The following SUSD3 variants were observed in gnomAD, a reference collection of about 807,000 sequenced individuals.
SUSD3 encodes sushi domain containing 3.
SUSD3 carries 18 observed loss-of-function variants against 20.6 expected under a neutral mutation model. The ratio of observed to expected loss-of-function variants is 0.87; its 90% CI spans 0.60 to 1.30. SUSD3 has a LOEUF of 1.30. Ranked by LOEUF, SUSD3 falls within the 50% of genes most tolerant of loss-of-function variation. The probability of loss-of-function intolerance (pLI) is 0.00; values close to 1 mark genes in which losing one functional copy is unlikely to be tolerated. For missense variants in SUSD3, 306 were observed against 346.9 expected (o/e 0.88, Z 0.94); for synonymous variants, 137 against 141.5 (o/e 0.97, Z 0.23).
At chr9:93,080,866 TCTTTC>T (rs1826387895) in intron 4 of SUSD3, among the ~76,000 whole-genome samples, 1 of 152,264 alleles carries the variant, frequency 6.6e-6, no homozygotes, top group African/African-American at 2.4e-5. Context: ...GCTGTTTTTT[TCTTTC>T]CTTTCTTTTG....
In SUSD3 at chr9:93,084,557, G is replaced by C; in HGVS notation, c.578G>C (p.Ser193Thr). 1 of 1,596,972 alleles carries C rather than the reference G, an allele frequency of 6.3e-7. No individual in the cohort carries two copies. Among genetic ancestry groups the C allele is most frequent in the Non-Finnish European group, 8.5e-7 (1 of 1,171,658 alleles). ...SFTTDHGEST[S>T]KLASVTRSVD... ...CACAGAGACCATGGTGAGAGCACCA[G>C]CAAGCTGGCCAGTGTGACCCGCAGC... Residue 193 changes from serine (S) to threonine (T), a missense_variant, in exon 5 of 5, where the codon AGC becomes ACC. Ser to Thr is a moderately conservative substitution (Grantham distance 58). Transcript: ENST00000375472.
Position 93,063,036 on chromosome 9 carries a change from C to A in SUSD3, c.88+4206C>A, listed in dbSNP as rs188167134. Reference sequence around the variant, plus strand: ...GGCACTGCCATCATGCAGCCAGGGGCCTTGGGCAGGTTTGTGGGCCTCAGT... The same window carrying A: ...GGCACTGCCATCATGCAGCCAGGGGACTTGGGCAGGTTTGTGGGCCTCAGT... On this transcript the variant is annotated intron_variant, in intron 1 of 4. Transcript: ENST00000375472. 2.0e-5 allele frequency among the ~76,000 whole-genome samples: 3 copies of A among 152,310 alleles called. No individual in the cohort carries two copies. In the East Asian group the frequency reaches 5.8e-4, roughly 29 times the overall value.
At chr9:93,065,316 A>G (rs111438676) in intron 1 of SUSD3, among the ~76,000 whole-genome samples, 2,780 of 152,232 alleles carry the variant, frequency 0.018, 40 homozygotes, top group Non-Finnish European at 0.027. Flanking sequence ...GCATCTCATT[A>G]TTCTAATGAA....
intron 1 of SUSD3, among the ~76,000 whole-genome samples, chr9:93,059,074 G>A (rs1316120540): frequency 2.0e-5 from 3 of 152,190 alleles, no homozygotes; most frequent in Admixed American, 2.0e-4. Context: ...CCGTTCCCGA[G>A]TGGCCGCAGC....
intron 1 of SUSD3, among the ~76,000 whole-genome samples, chr9:93,061,383 C>CA (rs1190000136): frequency 6.6e-6 from 1 of 152,268 alleles, no homozygotes. Flanking sequence ...GGCCTCCTGC[C>CA]ACCCATTGGC....
intron 1 of SUSD3, among the ~76,000 whole-genome samples, chr9:93,070,178 C>T (rs182406867): frequency 6.6e-6 from 1 of 152,258 alleles, no homozygotes; most frequent in East Asian, 1.9e-4. Context: ...AGATACAAAT[C>T]TCCTATTACA....
intron 1 of SUSD3, among the ~76,000 whole-genome samples, chr9:93,059,340 C>T (rs768922037): frequency 6.6e-6 from 1 of 152,112 alleles, no homozygotes; most frequent in African/African-American, 2.4e-5. Context: ...AGTGGCTGTC[C>T]GAGGTCACCC....
At position 93,058,821 on chromosome 9, in the gene SUSD3, A is replaced by T. The variant is rs1055113430; in HGVS notation, c.79A>T (p.Asn27Tyr). ...CGGGGTCACCACGCCTGCCCCAGGG[A>T]ACCGCACAGGTGAGGGCTGGGGCCG... ...RAGVTTPAPG[N>Y]RTGTCAKLRL... Residue 27 changes from asparagine to tyrosine, a missense_variant, in exon 1 of 5, where the codon AAC becomes TAC. Asn to Tyr is a moderately radical substitution (Grantham distance 143, BLOSUM62 -2). Transcript: ENST00000375472. 4.5e-5 allele frequency: 57 copies of T among 1,259,940 alleles called. No individual in the cohort carries two copies. Among genetic ancestry groups the T allele is most frequent in the Admixed American group, 1.2e-4 (3 of 24,086 alleles). The allele number at this position is 1,259,940 out of a possible 1,614,324, so 78.0% of individuals were successfully genotyped here. A position where few individuals can be genotyped will look rare whatever the true frequency, so the allele number is the denominator to read the frequency against.
intron 4 of SUSD3, among the ~76,000 whole-genome samples, chr9:93,084,212 G>C (rs1218983587): frequency 3.3e-5 from 5 of 152,084 alleles, no homozygotes; most frequent in African/African-American, 1.2e-4. Context: ...AGACAGCTGG[G>C]TTCCTGGTGG....
intron 1 of SUSD3, 53 bp from the exon 2 acceptor site, chr9:93,075,731 T>TGGGGGGGGGGGGGGGGGGGGGGGGGGGGG: frequency 1.3e-5 from 5 of 398,892 alleles, no homozygotes; most frequent in Admixed American, 3.8e-5. Flanking sequence ...AGCCCTGCCC[T>TGGGGGGGGGGGGGGGGGGGGGGGGGGGGG]GCGTGCCCAC....
At chr9:93,083,969 A>AGT (rs57230622) in intron 4 of SUSD3, among the ~76,000 whole-genome samples, 14,891 of 151,934 alleles carry the variant, frequency 0.098, 2,084 homozygotes, top group African/African-American at 0.31. Flanking sequence ...AGCAGAGGCC[A>AGT]GTGTGTGTGT....
Position 93,084,789 on chromosome 9 carries a change from C to G in SUSD3, c.*42C>G. On this transcript the variant is annotated 3_prime_UTR_variant, in exon 5 of 5. Coordinates refer to ENST00000375472, the MANE Select transcript of SUSD3 (RefSeq NM_145006.4). Reference sequence around the variant, plus strand: ...GTGCCCATGCTCCACACTGGGAGGCCAGGCTGACCCCACCAGCCAGTCAGC... The same window carrying G: ...GTGCCCATGCTCCACACTGGGAGGCGAGGCTGACCCCACCAGCCAGTCAGC... The G allele has an allele frequency of 1.4e-6, 2 of 1,434,328 alleles. No homozygotes were observed. The highest frequency in any genetic ancestry group is 3.0e-5 in the South Asian group (2 of 67,422). The allele number at this position is 1,434,328 out of a possible 1,614,324, so 88.9% of individuals were successfully genotyped here. A position where few individuals can be genotyped will look rare whatever the true frequency, so the allele number is the denominator to read the frequency against.
intron 4 of SUSD3, 64 bp downstream of exon 4, chr9:93,079,666 G>A: frequency 2.5e-6 from 4 of 1,572,604 alleles, no homozygotes; most frequent in Non-Finnish European, 3.5e-6. Context: ...TCAGGCCCCG[G>A]GCCACCTGCT....
intron 4 of SUSD3, 53 bp downstream of exon 4, chr9:93,079,655 G>T (rs1289270192): frequency 6.3e-7 from 1 of 1,596,182 alleles, no homozygotes; most frequent in Non-Finnish European, 8.5e-7. Context: ...GTCCAGCTTG[G>T]TCAGGCCCCG....
Position 93,079,136 on chromosome 9 carries a change from G to A in SUSD3, c.426-335G>A, listed in dbSNP as rs1389747132. Among the ~76,000 whole-genome samples, 6 of 152,292 alleles carry A rather than the reference G, an allele frequency of 3.9e-5. No individual in the cohort carries two copies. In the East Asian group the frequency reaches 1.2e-3, roughly 29 times the overall value. On this transcript the variant is annotated intron_variant, in intron 3 of 4. Coordinates refer to ENST00000375472, the MANE Select transcript of SUSD3 (RefSeq NM_145006.4). Reference sequence around the variant, plus strand: ...CCTTTTTAACGTCTACAGTTCAGTAGCATTAAGTATGTTCACGATGTAGTG... The same window carrying A: ...CCTTTTTAACGTCTACAGTTCAGTAACATTAAGTATGTTCACGATGTAGTG...
chr9:93,064,185 C>T (rs1587896659), intron 1 of SUSD3, among the ~76,000 whole-genome samples: 3 of 152,174 alleles, frequency 2.0e-5, no homozygotes, highest in East Asian at 3.9e-4. Flanking sequence ...GTAGCTGGGA[C>T]TACAGGTGCA....
chr9:93,073,758 A>T (rs1826006299), intron 1 of SUSD3, among the ~76,000 whole-genome samples: 1 of 152,204 alleles, frequency 6.6e-6, no homozygotes, highest in African/African-American at 2.4e-5. Context: ...CCATCTGCAC[A>T]ATGGAACACT....
At chr9:93,080,335 AAAAAAC>A (rs1195062773) in intron 4 of SUSD3, among the ~76,000 whole-genome samples, 6 of 151,544 alleles carry the variant, frequency 4.0e-5, no homozygotes, top group Admixed American at 2.6e-4. Context: ...AAAAAAAAAA[AAAAAAC>A]AAAACTAACA....
chr9:93,079,866 A>G (rs1381708030), intron 4 of SUSD3, among the ~76,000 whole-genome samples: 1 of 151,996 alleles, frequency 6.6e-6, no homozygotes, highest in Non-Finnish European at 1.5e-5. Context: ...TGAAGCTTCT[A>G]CACACCTGTG....
Sources: gnomAD v4.1 joint callset for allele counts (sites outside exome capture counted in the v4.1 genomes callset) on GRCh38, gnomAD v4.1.1 for gene constraint, MANE v1.5 for transcripts, NCBI Gene and HGNC (gene_info 2026-07-23, HGNC 2026-07-21) for gene names.